DTWD2: variants seen among roughly 807,000 people sequenced by gnomAD.
The protein encoded by DTWD2 is tRNA-uridine aminocarboxypropyltransferase 2.
Under a neutral mutation model 31.8 loss-of-function variants are expected in DTWD2, and 39 were observed. The observed-to-expected ratio is 1.22, with a 90% CI of 0.95 to 1.60. The LOEUF (loss-of-function observed/expected upper bound fraction) is 1.60. DTWD2 is among the 40% of genes most tolerant of loss of function. DTWD2 has a pLI of 0.00. For missense variants in DTWD2, 515 were observed against 381.5 expected, an observed-to-expected ratio of 1.35 and a Z score of -2.92; for synonymous variants, 180 against 142.8, an observed-to-expected ratio of 1.26 and a Z score of -1.86.
chr5:118,939,331 G>A (rs778252014), intron 2 of DTWD2, 41 bp from the exon 3 acceptor site: 105 of 1,461,176 alleles, frequency 7.2e-5, no homozygotes, highest in Non-Finnish European at 9.3e-5. Context: ...TTTTTACTTA[G>A]ATATACACAC....
At chr5:118,905,771 T>C (rs1389673349) in intron 4 of DTWD2, among the ~76,000 whole-genome samples, 1 of 152,158 alleles carries the variant, frequency 6.6e-6, no homozygotes, top group East Asian at 1.9e-4. Flanking sequence ...TAAAATTTTA[T>C]CTCTTCCCAC....
At chr5:118,941,566 T>A (rs1175838591) in intron 2 of DTWD2, among the ~76,000 whole-genome samples, 1 of 152,270 alleles carries the variant, frequency 6.6e-6, no homozygotes, top group Non-Finnish European at 1.5e-5. Flanking sequence ...ATTTTCTTAA[T>A]CCAGTCTATC....
At chr5:118,917,573 G>A (rs942330997) in intron 4 of DTWD2, among the ~76,000 whole-genome samples, 8 of 152,168 alleles carry the variant, frequency 5.3e-5, no homozygotes, top group Non-Finnish European at 1.0e-4. Flanking sequence ...GGGCTCCGGA[G>A]GCCTTAGGAA....
intron 5 of DTWD2, among the ~76,000 whole-genome samples, chr5:118,843,262 G>T (rs1423946108): frequency 6.7e-6 from 1 of 148,960 alleles, no homozygotes; most frequent in African/African-American, 2.5e-5. Context: ...GCCCAGAATA[G>T]AAATGAAAGA....
chr5:118,842,971 T>C (rs1365340329), intron 5 of DTWD2, among the ~76,000 whole-genome samples: 12 of 147,696 alleles, frequency 8.1e-5, no homozygotes, highest in South Asian at 2.2e-4. Flanking sequence ...TTTTTTTTTT[T>C]TTTGAGATGG....
intron 1 of DTWD2, among the ~76,000 whole-genome samples, chr5:118,972,937 G>A (rs1755021581): frequency 6.6e-6 from 1 of 152,108 alleles, no homozygotes; most frequent in Admixed American, 6.5e-5. Context: ...TATATATTTA[G>A]GATAGTTAGC....
chr5:118,977,714 C>T (rs1755197583), intron 1 of DTWD2, among the ~76,000 whole-genome samples: 1 of 152,186 alleles, frequency 6.6e-6, no homozygotes, highest in African/African-American at 2.4e-5. Context: ...GAAAACATTC[C>T]ATGCTCACGG....
chr5:118,954,747 C>G (rs374462703), intron 1 of DTWD2, among the ~76,000 whole-genome samples: 33 of 152,182 alleles, frequency 2.2e-4, no homozygotes, highest in African/African-American at 7.0e-4. Flanking sequence ...TCTCAAATTC[C>G]TGGCCTCAAG....
chr5:118,919,068 C>T (rs1464868320), intron 4 of DTWD2, among the ~76,000 whole-genome samples: 1 of 152,174 alleles, frequency 6.6e-6, no homozygotes, highest in African/African-American at 2.4e-5. Context: ...ATATTATACA[C>T]ATACATATAT....
At chr5:118,927,213 C>T (rs1472695932) in intron 4 of DTWD2, among the ~76,000 whole-genome samples, 1 of 148,256 alleles carries the variant, frequency 6.7e-6, no homozygotes, top group African/African-American at 2.5e-5. Flanking sequence ...GTCCCATCTC[C>T]AAATACCATT....
intron 4 of DTWD2, 37 bp downstream of exon 4, chr5:118,928,500 T>G (rs1466622113): frequency 3.7e-6 from 5 of 1,340,970 alleles, no homozygotes; most frequent in Non-Finnish European, 4.9e-6. Context: ...CCTAATTATA[T>G]ATTTATATTT....
intron 1 of DTWD2, among the ~76,000 whole-genome samples, chr5:118,954,713 A>T: frequency 6.6e-6 from 1 of 151,300 alleles, no homozygotes; most frequent in South Asian, 2.1e-4. Flanking sequence ...TTATTTTTGG[A>T]TTTTTTTTTG....
chr5:118,915,839 T>C (rs893317673), intron 4 of DTWD2, among the ~76,000 whole-genome samples: 13 of 152,364 alleles, frequency 8.5e-5, no homozygotes, highest in African/African-American at 1.9e-4. Flanking sequence ...TGGTTACCCT[T>C]GTCCTTTACC....
chr5:118,862,515 AT>A (rs1171897234), intron 4 of DTWD2, among the ~76,000 whole-genome samples: 1 of 152,194 alleles, frequency 6.6e-6, no homozygotes, highest in African/African-American at 2.4e-5. Context: ...CTTTAGTGTG[AT>A]TTAAAACTAA....
At chr5:118,843,220 G>C (rs1372833643) in intron 5 of DTWD2, among the ~76,000 whole-genome samples, 1 of 151,818 alleles carries the variant, frequency 6.6e-6, no homozygotes, top group Non-Finnish European at 1.5e-5. Context: ...CTCCCAAAGT[G>C]CTGGGATTAC....
chr5:118,897,296 T>C (rs1334777660), intron 4 of DTWD2, among the ~76,000 whole-genome samples: 2 of 152,224 alleles, frequency 1.3e-5, no homozygotes, highest in Admixed American at 6.5e-5. Flanking sequence ...TACTGAATTG[T>C]AACATGTGTG....
At chr5:118,848,239 G>A (rs888847869) in intron 4 of DTWD2, 21 bp from the exon 5 acceptor site, 5 of 1,557,330 alleles carry the variant, frequency 3.2e-6, no homozygotes, top group African/African-American at 1.4e-5. Flanking sequence ...AAACAAAATA[G>A]AACATAATTT....
chr5:118,981,646 G>A (rs1040340431), intron 1 of DTWD2, among the ~76,000 whole-genome samples: 2 of 151,876 alleles, frequency 1.3e-5, no homozygotes, highest in East Asian at 1.9e-4. Context: ...CTACAGCCTC[G>A]AACTCCTGGG....
intron 4 of DTWD2, among the ~76,000 whole-genome samples, chr5:118,925,721 T>C (rs1402036610): frequency 2.0e-5 from 3 of 151,626 alleles, no homozygotes; most frequent in Non-Finnish European, 4.4e-5. Context: ...GGCGGGTACC[T>C]GTAGTCCCAG....
Sources: gnomAD v4.1 joint callset for allele counts (sites outside exome capture counted in the v4.1 genomes callset) on GRCh38, gnomAD v4.1.1 for gene constraint, MANE v1.5 for transcripts, NCBI Gene and HGNC (gene_info 2026-07-23, HGNC 2026-07-21) for gene names.